Variants in MDN1 observed in about 807,000 individuals in gnomAD.
MDN1 encodes midasin AAA ATPase 1.
MDN1 carries 266 observed loss-of-function variants against 669.2 expected under a neutral mutation model. The ratio of observed to expected loss-of-function variants is 0.40; its 90% CI spans 0.36 to 0.44. The LOEUF is 0.44. Ranked by LOEUF, MDN1 falls within the 20% of genes least tolerant of loss-of-function variation. The pLI is 1.00. For synonymous variants in MDN1, 2,385 were observed against 2,457.1 expected, an observed-to-expected ratio of 0.97 and a Z score of 0.87; for missense variants, 5,940 against 6,754.0, an observed-to-expected ratio of 0.88 and a Z score of 4.22.
chr6:89,715,305 C>T (rs948934401), intron 45 of MDN1, among the ~76,000 whole-genome samples: 2 of 152,138 alleles, frequency 1.3e-5, no homozygotes, highest in Admixed American at 1.3e-4. Context: ...TTTTCTCAAC[C>T]CACATGTCCA....
Position 89,683,277 on chromosome 6 carries a change from C to T in MDN1, c.11957G>A (p.Arg3986Gln), listed in dbSNP as rs17293121. The change falls in exon 73 of 102, where the codon CGG (arginine) becomes CAG (glutamine). Residue 3986 changes from arginine to glutamine, a missense_variant. Arg to Gln is a conservative substitution (Grantham distance 43). Transcript: ENST00000369393. ...KFEAVLSEPC[R>Q]SSLVESDKEE... ...CTTGTCACTCTCCACCAGGGATGAC[C>T]GGCAGGGTTCACTCAGGACTGCTTC... 16 of 1,614,058 alleles carry T rather than the reference C, an allele frequency of 9.9e-6. No homozygotes were observed. The highest frequency in any genetic ancestry group is 5.5e-5 in the South Asian group (5 of 91,062).
At position 89,749,333 on chromosome 6, in the gene MDN1, A is replaced by G. The variant is rs376749573; in HGVS notation, c.3652T>C (p.Leu1218=). 5.6e-6 allele frequency: 9 copies of G among 1,614,044 alleles called. No homozygotes were observed. Among genetic ancestry groups the G allele is most frequent in the African/African-American group, 4.0e-5 (3 of 74,936 alleles). The change falls in exon 26 of 102, where the codon TTG becomes CTG. Residue 1218 remains leucine (L), a synonymous_variant. Coordinates refer to ENST00000369393, the MANE Select transcript of MDN1 (RefSeq NM_014611.3). ...GAGCTAGGTAACTCATCAAAGTGCA[A>G]TTCCACAAACCGATTCCTGAAGGCT... ...SRAFRNRFVE[L]HFDELPSSEL...
At chr6:89,750,584 C>A in intron 23 of MDN1, 52 bp from the exon 24 acceptor site, 1 of 1,518,978 alleles carries the variant, frequency 6.6e-7, no homozygotes, top group Non-Finnish European at 9.0e-7. Flanking sequence ...AATTACAAAG[C>A]TGAGAAACCA....
intron 55 of MDN1, 29 bp from the exon 56 acceptor site, chr6:89,700,885 C>T: frequency 6.3e-7 from 1 of 1,599,906 alleles, no homozygotes; most frequent in African/African-American, 1.3e-5. Flanking sequence ...CAAGAGCATA[C>T]TATAGAGCAC....
At position 89,661,453 on chromosome 6, in the gene MDN1, G is replaced by A. The variant is rs1809758789; in HGVS notation, c.14691C>T (p.Asp4897=). The change falls in exon 88 of 102, where the codon GAC becomes GAT. Residue 4897 remains aspartate (D), a synonymous_variant. Transcript: ENST00000369393. ...LDSEDKNGGE[D]TDNEEGEEEN... ...CACCTTCTCCTTCTTCATTGTCGGT[G>A]TCCTCACCACCATTCTTGTCTTCAC... 1 of 1,613,470 alleles carries A rather than the reference G, an allele frequency of 6.2e-7. No individual in the cohort carries two copies. Among genetic ancestry groups the A allele is most frequent in the Non-Finnish European group, 8.5e-7 (1 of 1,179,888 alleles).
At chr6:89,690,972 A>T in intron 63 of MDN1, 138 bp from the exon 64 acceptor site, 1 of 1,037,608 alleles carries the variant, frequency 9.6e-7, no homozygotes, top group Admixed American at 2.9e-5. Flanking sequence ...CAAGAAACTA[A>T]ATTCCATGGA....
At chr6:89,704,537 G>A (rs778683486) in intron 53 of MDN1, among the ~76,000 whole-genome samples, 33 of 152,184 alleles carry the variant, frequency 2.2e-4, no homozygotes, top group Non-Finnish European at 3.5e-4. Context: ...ACCAGTGCAC[G>A]AGCTATAAAC....
At chr6:89,747,822 G>C (rs745463467) in intron 26 of MDN1, among the ~76,000 whole-genome samples, 42 of 150,018 alleles carry the variant, frequency 2.8e-4, no homozygotes, top group Non-Finnish European at 3.7e-4. Flanking sequence ...ACCCGGGAGG[G>C]GGAGCTTGCA....
rs766450069 is a variant in MDN1, at chr6:89,670,170, A to ATTTTTTTTTTT, written c.13956+738_13956+748dup. 2.6e-3 allele frequency among the ~76,000 whole-genome samples: 60 copies of ATTTTTTTTTTT among 23,374 alleles called. 3 individuals carry two copies. Among genetic ancestry groups the ATTTTTTTTTTT allele is most frequent in the Middle Eastern group, 0.062 (1 of 16 alleles). The allele number at this position is 23,374 out of a possible 152,430, so 15.3% of individuals were successfully genotyped here. On this transcript the variant is annotated intron_variant, in intron 83 of 101. Transcript: ENST00000369393. The stretch of plus-strand genomic sequence containing the variant: ...TATATATATATATATATATATATAT[A>ATTTTTTTTTTT]TTTTTTTTTTTTTTTTTTTTGAGAT...
rs1815670448 is a variant in MDN1 at position 89,732,601 on chromosome 6, AAAGATGTCAC to A, written c.4888_4897del (p.Val1630LeufsTer10). 1 of 1,614,156 alleles carries A rather than the reference AAAGATGTCAC, an allele frequency of 6.2e-7. No individual in the cohort carries two copies. Among genetic ancestry groups the A allele is most frequent in the African/African-American group, 1.3e-5 (1 of 75,046 alleles). On this transcript the variant is annotated frameshift_variant, in exon 34 of 102. Coordinates refer to ENST00000369393, the MANE Select transcript of MDN1 (RefSeq NM_014611.3). LOFTEE classifies it high-confidence loss of function. The stretch of plus-strand genomic sequence containing the variant: ...GTACACCAGGCATGCAGCATGGACA[AAAGATGTCAC>A]AGTGGAGATGATCTCTGGCCTTTTC...
chr6:89,685,095 C>T, intron 70 of MDN1, 110 bp from the exon 71 acceptor site: 1 of 639,868 alleles, frequency 1.6e-6, no homozygotes, highest in Admixed American at 2.9e-5. Flanking sequence ...CTCTCTATGC[C>T]ATGAGATTAC....
At chr6:89,736,720 G>C (rs1815996356) in intron 33 of MDN1, among the ~76,000 whole-genome samples, 1 of 152,200 alleles carries the variant, frequency 6.6e-6, no homozygotes, top group Non-Finnish European at 1.5e-5. Context: ...CCTGGGCCCA[G>C]GAGGTCAAGG....
At chr6:89,816,962 C>G (rs1768882973) in intron 1 of MDN1, among the ~76,000 whole-genome samples, 1 of 151,506 alleles carries the variant, frequency 6.6e-6, no homozygotes, top group South Asian at 2.1e-4. Flanking sequence ...GCGCGTGCCA[C>G]TGTGCCCAGC....
At chr6:89,653,200 A>G in intron 93 of MDN1, 45 bp from the exon 94 acceptor site, 1 of 1,561,594 alleles carries the variant, frequency 6.4e-7, no homozygotes, top group Non-Finnish European at 8.7e-7. Flanking sequence ...TATTAGCCTG[A>G]TGACTGACCA....
intron 90 of MDN1, 94 bp downstream of exon 90, chr6:89,658,115 T>G (rs1319982574): frequency 6.8e-7 from 1 of 1,473,918 alleles, no homozygotes; most frequent in Admixed American, 1.9e-5. Context: ...TAACCAAACA[T>G]AAACCAACTA....
rs1183802656 is a variant in MDN1, at chr6:89,749,257, C to G, written c.3728G>C (p.Cys1243Ser). The change falls in exon 26 of 102, where the codon TGC becomes TCC. Residue 1243 changes from cysteine (C) to serine (S), a missense_variant. By Grantham distance (112) the Cys-to-Ser change is moderately radical. Around this residue, in one of 5 missense-constraint regions of MDN1, gnomAD observed 2,292 missense variants for 2,638.3 expected, o/e 0.87. Coordinates refer to ENST00000369393, the MANE Select transcript of MDN1 (RefSeq NM_014611.3). ...HKRCSLPPSY[C>S]SKLVKVMLDL... ...CAGCATGACTTTAACCAACTTGCTG[C>G]AATAGGAGGGTGGCAAACTACACCG... The G allele has an allele frequency of 6.2e-7, 1 of 1,613,986 alleles. No individual in the cohort carries two copies. Among genetic ancestry groups the G allele is most frequent in the East Asian group, 2.2e-5 (1 of 44,864 alleles).
rs1818159019 is a variant in MDN1 at position 89,772,710 on chromosome 6, G to A, written c.1946C>T (p.Thr649Ile). ...AGAGGACGGCCGTGTAGCAGCGAAA[G>A]TGAACTTCTCCCTGGGAAGGAGAAA... is the stretch of plus-strand genomic sequence containing the variant. The part of the protein sequence containing the change: ...EAVHLQREKF[T>I]FAATRPSSVL... The change falls in exon 14 of 102, where the codon ACT (threonine) becomes ATT (isoleucine). Residue 649 changes from threonine to isoleucine, a missense_variant. Physicochemically the swap from Thr to Ile is moderately conservative, Grantham distance 89. Transcript: ENST00000369393. The A allele has an allele frequency of 6.2e-7, 1 of 1,613,432 alleles. No homozygotes were observed. The highest frequency in any genetic ancestry group is 8.5e-7 in the Non-Finnish European group (1 of 1,179,828).
intron 1 of MDN1, among the ~76,000 whole-genome samples, chr6:89,817,217 C>A (rs991041137): frequency 4.6e-5 from 7 of 152,200 alleles, no homozygotes; most frequent in African/African-American, 1.7e-4. Flanking sequence ...ACCTTGGGCA[C>A]ATTTTCTCAG....
chr6:89,661,772 C>T (rs1002455033), intron 87 of MDN1, among the ~76,000 whole-genome samples, 194 bp from the exon 88 acceptor site: 1 of 152,144 alleles, frequency 6.6e-6, no homozygotes, highest in African/African-American at 2.4e-5. Context: ...ACTTTCTGTG[C>T]AGGTTATCCA....
Sources: allele counts gnomAD v4.1 joint callset (sites outside exome capture counted in the v4.1 genomes callset), GRCh38; gene constraint gnomAD v4.1.1; regional missense constraint gnomAD v4.1.1; transcripts MANE v1.5; gene names NCBI Gene and HGNC (gene_info 2026-07-23, HGNC 2026-07-21).